RHOBTB3: variants seen among roughly 807,000 people sequenced by gnomAD.
The protein encoded by RHOBTB3 is rho-related BTB domain-containing protein 3.
A neutral mutation model predicts 67.2 loss-of-function variants in RHOBTB3; 47 were observed. The ratio of observed to expected loss-of-function variants is 0.70; its 90% CI spans 0.55 to 0.89. The LOEUF (loss-of-function observed/expected upper bound fraction) is 0.89. Ranked by LOEUF, RHOBTB3 falls within the 40% of genes least tolerant of loss-of-function variation. The probability of loss-of-function intolerance (pLI) is 0.00; values close to 1 mark genes in which losing one functional copy is unlikely to be tolerated. For missense variants in RHOBTB3, 631 were observed against 750.0 expected, an observed-to-expected ratio of 0.84 and a Z score of 1.85; for synonymous variants, 273 against 274.2, an observed-to-expected ratio of 1.00 and a Z score of 0.04.
At chr5:95,755,911 T>C (rs779908327) in intron 6 of RHOBTB3, 150 bp downstream of exon 6, 12 of 738,126 alleles carry the variant, frequency 1.6e-5, no homozygotes, top group Non-Finnish European at 2.6e-5. Context: ...ATTTGCTTTA[T>C]ATATAAGAAT....
intron 9 of RHOBTB3, chr5:95,782,937 G>C (rs1746102123): frequency 6.6e-6 from 1 of 150,648 alleles, no homozygotes; most frequent in Admixed American, 6.6e-5. Context: ...AAAAAAAATG[G>C]CAAGGATCTA....
chr5:95,757,291 G>A (rs1424942965), intron 6 of RHOBTB3, among the ~76,000 whole-genome samples: 1 of 152,216 alleles, frequency 6.6e-6, no homozygotes, highest in Non-Finnish European at 1.5e-5. Flanking sequence ...AAGAACAGAT[G>A]TAAAATGAAT....
upstream of RHOBTB3, among the ~76,000 whole-genome samples, chr5:95,726,969 T>C (rs889986230): frequency 6.6e-6 from 1 of 152,116 alleles, no homozygotes; most frequent in Non-Finnish European, 1.5e-5. Flanking sequence ...TCCCCCCTTT[T>C]TTTTTTCAGT....
chr5:95,754,721 C>T (rs973211137), intron 5 of RHOBTB3, among the ~76,000 whole-genome samples: 2 of 152,134 alleles, frequency 1.3e-5, no homozygotes, highest in African/African-American at 4.8e-5. Context: ...AGGTTATATT[C>T]TCTTTTAGAA....
At chr5:95,789,676 A>G (rs1317086971) in intron 11 of RHOBTB3, 1 of 152,066 alleles carries the variant, frequency 6.6e-6, no homozygotes, top group East Asian at 1.9e-4. Context: ...GAAAGTAGGG[A>G]GTGGGTGAGG....
At chr5:95,769,055 T>G (rs949834406) in intron 8 of RHOBTB3, 1 of 313,928 alleles carries the variant, frequency 3.2e-6, no homozygotes, top group African/African-American at 2.2e-5. Context: ...GATCCTCATC[T>G]CACTTGGGCT....
chr5:95,789,087 T>C (rs1342844753), intron 11 of RHOBTB3: 1 of 409,384 alleles, frequency 2.4e-6, no homozygotes, highest in Non-Finnish European at 4.3e-6. Context: ...ATTTTATAGC[T>C]CCATCCGTTT....
At chr5:95,769,151 C>A in intron 8 of RHOBTB3, 2 of 362,600 alleles carry the variant, frequency 5.5e-6, no homozygotes, top group Non-Finnish European at 5.5e-6. Flanking sequence ...GTAGCTGCTA[C>A]AGTGGGGCCG....
intron 3 of RHOBTB3, 72 bp downstream of exon 3, chr5:95,737,147 T>C: frequency 1.9e-6 from 2 of 1,043,776 alleles, no homozygotes; most frequent in East Asian, 5.5e-5. Flanking sequence ...GCTAAGTTTA[T>C]TAATGGATAA....
intron 6 of RHOBTB3, among the ~76,000 whole-genome samples, chr5:95,762,432 G>A (rs186311478): frequency 5.1e-4 from 78 of 152,274 alleles, no homozygotes; most frequent in East Asian, 4.1e-3. Context: ...ATCCATGAAG[G>A]CATCTGGTGA....
chr5:95,741,902 A>G (rs1463433853), intron 3 of RHOBTB3, among the ~76,000 whole-genome samples: 3 of 152,168 alleles, frequency 2.0e-5, no homozygotes, highest in South Asian at 2.1e-4. Flanking sequence ...TAGAATTATT[A>G]TGATTCATGG....
upstream of RHOBTB3, among the ~76,000 whole-genome samples, chr5:95,726,801 A>G (rs1410635592): frequency 6.6e-6 from 1 of 152,210 alleles, no homozygotes; most frequent in Non-Finnish European, 1.5e-5. Context: ...GTGGCAATAT[A>G]TTGAAAGTGA....
At chr5:95,739,088 T>G (rs1319764868) in intron 3 of RHOBTB3, among the ~76,000 whole-genome samples, 1 of 152,188 alleles carries the variant, frequency 6.6e-6, no homozygotes, top group African/African-American at 2.4e-5. Flanking sequence ...AACTGTTCAG[T>G]CTGTCTCTCT....
intron 6 of RHOBTB3, among the ~76,000 whole-genome samples, chr5:95,757,976 T>G (rs888412187): frequency 5.3e-5 from 8 of 152,244 alleles, no homozygotes; most frequent in African/African-American, 1.9e-4. Context: ...AGAAAAAAGA[T>G]GTTTTTAATC....
intron 8 of RHOBTB3, chr5:95,769,218 T>C (rs1428702539): frequency 2.9e-6 from 1 of 339,898 alleles, no homozygotes; most frequent in Admixed American, 3.0e-5. Context: ...TAACAAAAGA[T>C]GGTGTGACTG....
At chr5:95,777,890 G>T (rs1033781451) in intron 8 of RHOBTB3, among the ~76,000 whole-genome samples, 8 of 152,164 alleles carry the variant, frequency 5.3e-5, no homozygotes, top group African/African-American at 1.7e-4. Flanking sequence ...GCTGAGGTGG[G>T]AGCATCACGT....
intron 5 of RHOBTB3, 64 bp downstream of exon 5, chr5:95,752,414 T>A (rs977539498): frequency 8.4e-6 from 9 of 1,066,422 alleles, no homozygotes; most frequent in Middle Eastern, 4.0e-4. Context: ...TTCTCACAGG[T>A]CTTAGAGCAA....
Position 95,783,787 on chromosome 5 carries a change from T to C in RHOBTB3, c.1457-10T>C. ...TCATCCACTTTCTCTCATGTCCCTT[T>C]TCTCATCAGCTGGCATATTCCAGGC... On this transcript the variant is annotated splice_polypyrimidine_tract_variant and intron_variant, in intron 9 of 11. Transcript: ENST00000379982. 8 of 1,601,178 alleles carry C rather than the reference T, an allele frequency of 5.0e-6. No homozygotes were observed. The highest frequency in any genetic ancestry group is 2.2e-5 in the East Asian group (1 of 44,608).
chr5:95,721,468 G>C lies in RHOBTB3; in HGVS notation n.133+3703G>C, dbSNP rs28469700. ...ACAGAATGGGCCTTGTCGGAGTTGTGACAGTTACTGACTGGGCAGGGGGTT... is the reference window on the plus strand; with the variant it reads ...ACAGAATGGGCCTTGTCGGAGTTGTCACAGTTACTGACTGGGCAGGGGGTT... On this transcript the variant is annotated intron_variant and non_coding_transcript_variant, in intron 1 of 5. Transcript: ENST00000504949. Among the ~76,000 whole-genome samples the C allele has an allele frequency of 5.5e-3, 835 of 152,278 alleles. 11 individuals are homozygous for C. Among genetic ancestry groups the C allele is most frequent in the African/African-American group, 0.019 (803 of 41,556 alleles).
Sources: allele counts gnomAD v4.1 joint callset (sites outside exome capture counted in the v4.1 genomes callset), GRCh38; gene constraint gnomAD v4.1.1; transcripts MANE v1.5; gene names NCBI Gene and HGNC (gene_info 2026-07-23, HGNC 2026-07-21).